The following MOV10L1 variants were observed in gnomAD, a reference collection of about 807,000 sequenced individuals.
The protein encoded by MOV10L1 is RNA helicase Mov10l1.
MOV10L1 carries 110 observed loss-of-function variants against 143.8 expected under a neutral mutation model. The observed-to-expected ratio is 0.76, with a 90% CI of 0.66 to 0.90. The LOEUF (loss-of-function observed/expected upper bound fraction) is 0.90, where lower values mean the gene tolerates loss of function less well. Among genes scored for constraint, MOV10L1 ranks in the 40% least tolerant of loss-of-function variants. The pLI is 0.00. For missense variants in MOV10L1, 1,406 were observed against 1,526.8 expected (o/e 0.92, Z 1.32); for synonymous variants, 593 against 581.1 (o/e 1.02, Z -0.29).
intron 25 of MOV10L1, 24 bp downstream of exon 25, chr22:50,160,849 G>A: frequency 6.2e-7 from 1 of 1,613,766 alleles, no homozygotes; most frequent in Non-Finnish European, 8.5e-7. Context: ...CACTGGGTGG[G>A]CTGTGATCAC....
At chr22:50,102,522 A>G (rs2056944) in intron 3 of MOV10L1, among the ~76,000 whole-genome samples, 199 of 152,322 alleles carry the variant, frequency 1.3e-3, no homozygotes, top group African/African-American at 4.5e-3. Flanking sequence ...AATTCAACAA[A>G]TTATTAGAGT....
intron 2 of MOV10L1, among the ~76,000 whole-genome samples, chr22:50,097,526 GT>G (rs1569267737): frequency 6.6e-6 from 1 of 152,142 alleles, no homozygotes; most frequent in Non-Finnish European, 1.5e-5. Context: ...CACAATTGCA[GT>G]TTATTGAATG....
intron 18 of MOV10L1, 128 bp downstream of exon 18, chr22:50,144,371 GA>G: frequency 8.3e-7 from 1 of 1,211,410 alleles, no homozygotes; most frequent in Non-Finnish European, 1.1e-6. Context: ...CTGTGTTTGA[GA>G]AATGGCTCTG....
At chr22:50,094,741 T>C (rs1317629039) in intron 2 of MOV10L1, 1 of 152,172 alleles carries the variant, frequency 6.6e-6, no homozygotes, top group Non-Finnish European at 1.5e-5. Flanking sequence ...ATTGAGCTAT[T>C]AACTACTTTT....
chr22:50,099,093 T>A (rs1215664839), intron 2 of MOV10L1, among the ~76,000 whole-genome samples: 4 of 152,228 alleles, frequency 2.6e-5, no homozygotes, highest in Non-Finnish European at 5.9e-5. Context: ...TGCATCAGTG[T>A]TCATAAGGGA....
intron 5 of MOV10L1, among the ~76,000 whole-genome samples, chr22:50,111,783 G>T (rs577720825): frequency 6.6e-5 from 10 of 152,108 alleles, no homozygotes; most frequent in Non-Finnish European, 1.5e-4. Context: ...GATTACAGGC[G>T]TGAGCCACCA....
At chr22:50,095,277 C>T (rs1486050173) in intron 2 of MOV10L1, 1 of 152,226 alleles carries the variant, frequency 6.6e-6, no homozygotes, top group Non-Finnish European at 1.5e-5. Flanking sequence ...ATAGTTGAGT[C>T]ACTTAAACAA....
chr22:50,141,634 C>T (rs117894017), intron 15 of MOV10L1, among the ~76,000 whole-genome samples: 1,834 of 152,210 alleles, frequency 0.012, 28 homozygotes, highest in East Asian at 0.043. Context: ...GCCCCGTGCC[C>T]GGCCTGGTGC....
In MOV10L1 at chr22:50,150,858, G is replaced by A. The variant is rs750742595; in HGVS notation, c.2851G>A (p.Glu951Lys). The A allele has an allele frequency of 9.3e-6, 15 of 1,614,110 alleles. No individual in the cohort carries two copies. Among genetic ancestry groups the A allele is most frequent in the East Asian group, 8.9e-5 (4 of 44,900 alleles). Residue 951 changes from glutamate (E) to lysine (K), a missense_variant, in exon 21 of 27, where the codon GAA (glutamate) becomes AAA (lysine). By Grantham distance (56) the Glu-to-Lys change is moderately conservative (BLOSUM62 1). Coordinates refer to ENST00000262794, the MANE Select transcript of MOV10L1 (RefSeq NM_018995.3). ...GTCTCGACCCGCGTACCAGAGGGAC[G>A]AAAATGCTTTCGGTGCTTGTGGCGC... ...LMSRPAYQRD[E>K]NAFGACGAHN...
At chr22:50,131,121 A>G (rs1032440449) in intron 13 of MOV10L1, among the ~76,000 whole-genome samples, 65 of 148,600 alleles carry the variant, frequency 4.4e-4, no homozygotes, top group Middle Eastern at 3.5e-3. Context: ...TGTTAGCCAG[A>G]ATGGTCTCAA....
Position 50,108,740 on chromosome 22 carries a change from T to C in MOV10L1, c.639T>C (p.Asp213=), listed in dbSNP as rs991239407. 3 of 1,614,094 alleles carry C rather than the reference T, an allele frequency of 1.9e-6. No individual in the cohort carries two copies. The highest frequency in any genetic ancestry group is 2.5e-6 in the Non-Finnish European group (3 of 1,180,046). Residue 213 remains aspartate (D), a synonymous_variant, in exon 5 of 27, where the codon GAT becomes GAC. Transcript: ENST00000262794. ...FFTLDSLKLP[D]GYTPRRGDVV... Reference sequence around the variant, plus strand: ...CCTTGGACTCCTTGAAACTGCCAGATGGGTACACACCCCGGAGAGGTGACG... The same window carrying C: ...CCTTGGACTCCTTGAAACTGCCAGACGGGTACACACCCCGGAGAGGTGACG...
At chr22:50,148,916 G>A (rs538993264) in intron 19 of MOV10L1, among the ~76,000 whole-genome samples, 3 of 152,252 alleles carry the variant, frequency 2.0e-5, no homozygotes, top group Admixed American at 6.5e-5. Context: ...CACCCATCTC[G>A]GCCTCCCAAA....
chr22:50,160,751 A>G lies in MOV10L1; in HGVS notation c.3388A>G (p.Lys1130Glu), dbSNP rs2063539565. The change falls in exon 25 of 27, where the codon AAA becomes GAA. Residue 1130 changes from lysine (K) to glutamate (E), a missense_variant. Transcript: ENST00000262794. ...TTTTTTGGGTTTCTTGTCCAACTCA[A>G]AAAGATTTAATGTTGCAATCACCAG... is the stretch of plus-strand genomic sequence containing the variant. ...RYFLGFLSNS[K>E]RFNVAITRPK... The G allele has an allele frequency of 6.2e-7, 1 of 1,614,148 alleles. No individual in the cohort carries two copies. Among genetic ancestry groups the G allele is most frequent in the Non-Finnish European group, 8.5e-7 (1 of 1,180,026 alleles).
intron 11 of MOV10L1, among the ~76,000 whole-genome samples, 178 bp from the exon 12 acceptor site, chr22:50,126,024 C>G (rs1321122801): frequency 6.6e-6 from 1 of 151,842 alleles, no homozygotes; most frequent in African/African-American, 2.4e-5. Flanking sequence ...GATCCCCTGA[C>G]CTTGTGATCC....
rs770338369 is a variant in MOV10L1 at position 50,143,236 on chromosome 22, G to A, written c.2358+15G>A. Reference sequence around the variant, plus strand: ...CTGTTTTACAGGTAAGGACAGCGGCGCCGCGGGTGCTGTGGCTCTGTGCTG... The same window carrying A: ...CTGTTTTACAGGTAAGGACAGCGGCACCGCGGGTGCTGTGGCTCTGTGCTG... On this transcript the variant is annotated intron_variant, in intron 17 of 26. Transcript: ENST00000262794. The A allele has an allele frequency of 5.6e-6, 9 of 1,613,172 alleles. 1 individual carries two copies. Among genetic ancestry groups the A allele is most frequent in the Middle Eastern group, 3.3e-4 (2 of 6,062 alleles).
chr22:50,160,173 C>T (rs1051096450), intron 24 of MOV10L1, among the ~76,000 whole-genome samples: 5 of 152,024 alleles, frequency 3.3e-5, no homozygotes, highest in South Asian at 4.2e-4. Flanking sequence ...GATGGAGTGC[C>T]GATGAGACCC....
chr22:50,106,325 CTTTTTTTTTTTT>C (rs1165257394), intron 3 of MOV10L1, among the ~76,000 whole-genome samples: 1 of 94,556 alleles, frequency 1.1e-5, no homozygotes, highest in Non-Finnish European at 2.0e-5. Context: ...CCAACTAATT[CTTTTTTTTTTTT>C]TTTTTTTTTT....
chr22:50,139,545 CA>C (rs928142735), intron 15 of MOV10L1, among the ~76,000 whole-genome samples: 2 of 134,014 alleles, frequency 1.5e-5, no homozygotes, highest in East Asian at 2.2e-4. Context: ...AACTCTGTCT[CA>C]AAAAAAAACA....
At chr22:50,099,920 A>G (rs1162082909) in intron 3 of MOV10L1, among the ~76,000 whole-genome samples, 4 of 152,180 alleles carry the variant, frequency 2.6e-5, no homozygotes, top group Non-Finnish European at 5.9e-5. Flanking sequence ...CTGGCTTCAC[A>G]CAGAGGCTCT....
Sources: allele counts gnomAD v4.1 joint callset (sites outside exome capture counted in the v4.1 genomes callset), GRCh38; gene constraint gnomAD v4.1.1; transcripts MANE v1.5; gene names NCBI Gene and HGNC (gene_info 2026-07-23, HGNC 2026-07-21).